KCNAB1: variants seen among roughly 807,000 people sequenced by gnomAD.
The protein encoded by KCNAB1 is voltage-gated potassium channel subunit beta-1.
Under a neutral mutation model 64.6 loss-of-function variants are expected in KCNAB1, and 35 were observed. The observed-to-expected ratio is 0.54, with a 90% CI of 0.41 to 0.72. KCNAB1 has a LOEUF of 0.72. Ranked by LOEUF, KCNAB1 falls within the 30% of genes least tolerant of loss-of-function variation. The probability of loss-of-function intolerance (pLI) is 0.00; values close to 1 mark genes in which losing one functional copy is unlikely to be tolerated. For missense variants in KCNAB1, 401 were observed against 512.9 expected (o/e 0.78, Z 2.11); for synonymous variants, 177 against 183.8 (o/e 0.96, Z 0.30).
At chr3:156,152,189 C>A (rs992252883) in intron 1 of KCNAB1, among the ~76,000 whole-genome samples, 1 of 152,192 alleles carries the variant, frequency 6.6e-6, no homozygotes, top group Admixed American at 6.5e-5. Context: ...TACATAAATC[C>A]GGTCCCCTGT....
At chr3:156,147,796 T>C (rs1715127535) in intron 1 of KCNAB1, among the ~76,000 whole-genome samples, 1 of 152,130 alleles carries the variant, frequency 6.6e-6, no homozygotes, top group Admixed American at 6.6e-5. Flanking sequence ...CTCAGAGATG[T>C]TGAGTGTCTA....
intron 9 of KCNAB1, 133 bp downstream of exon 9, chr3:156,514,582 C>T: frequency 1.5e-6 from 1 of 660,786 alleles, no homozygotes; most frequent in South Asian, 1.8e-5. Flanking sequence ...GAATCAATTC[C>T]ATCATTACAG....
chr3:156,351,190 G>A (rs1724835480), intron 1 of KCNAB1, among the ~76,000 whole-genome samples: 1 of 152,218 alleles, frequency 6.6e-6, no homozygotes, highest in Non-Finnish European at 1.5e-5. Flanking sequence ...TCTCTTGGTT[G>A]GCCACACTGA....
Position 156,325,043 on chromosome 3 carries a change from TAAC to T in KCNAB1, c.276-96569_276-96567del, listed in dbSNP as rs1357879263. Reference sequence around the variant, plus strand: ...AGGGCACCCAATATAGTATATGGGATAACAACTTTCATTTATGGAGGGTTTGTT... The same window carrying T: ...AGGGCACCCAATATAGTATATGGGATAACTTTCATTTATGGAGGGTTTGTT... On this transcript the variant is annotated intron_variant, in intron 1 of 13. Transcript: ENST00000490337. Among the ~76,000 whole-genome samples the T allele has an allele frequency of 6.6e-5, 10 of 152,312 alleles. No homozygotes were observed. The East Asian group carries it at 1.5e-3, about 23-fold the overall frequency.
intron 1 of KCNAB1, among the ~76,000 whole-genome samples, chr3:156,123,714 C>G (rs921840327): frequency 3.3e-5 from 5 of 152,094 alleles, no homozygotes; most frequent in African/African-American, 1.2e-4. Context: ...AGCTCAGGGC[C>G]CTGCACCTTG....
chr3:156,200,012 C>G (rs1220889475), intron 1 of KCNAB1, among the ~76,000 whole-genome samples: 1 of 152,142 alleles, frequency 6.6e-6, no homozygotes, highest in Admixed American at 6.5e-5. Context: ...TTTGAGTGGG[C>G]ATCATTTTTG....
chr3:156,465,591 A>C, intron 6 of KCNAB1, 52 bp from the exon 7 acceptor site: 1 of 1,518,092 alleles, frequency 6.6e-7, no homozygotes, highest in East Asian at 2.3e-5. Context: ...GATTTAGAGA[A>C]GAAAAGAAAG....
At chr3:156,181,763 G>A (rs1214242091) in intron 1 of KCNAB1, among the ~76,000 whole-genome samples, 1 of 152,142 alleles carries the variant, frequency 6.6e-6, no homozygotes, top group Non-Finnish European at 1.5e-5. Flanking sequence ...TCTAAGGCTT[G>A]ATGAGTCAGT....
At chr3:156,225,710 G>A (rs2108425017) in intron 1 of KCNAB1, among the ~76,000 whole-genome samples, 1 of 152,260 alleles carries the variant, frequency 6.6e-6, no homozygotes, top group Admixed American at 6.5e-5. Flanking sequence ...ACTGGTAAAT[G>A]TATTCAGCAA....
chr3:156,435,839 T>A (rs1419132672), intron 2 of KCNAB1, among the ~76,000 whole-genome samples: 1 of 152,172 alleles, frequency 6.6e-6, no homozygotes, highest in Non-Finnish European at 1.5e-5. Flanking sequence ...CTATTTTTCA[T>A]GGCAGCATTG....
In KCNAB1 at chr3:156,208,092, A is replaced by G. The variant is rs577326303; in HGVS notation, c.275+87206A>G. Among the ~76,000 whole-genome samples, 127 of 152,252 alleles carry G rather than the reference A, an allele frequency of 8.3e-4. 1 individual carries two copies. In the South Asian group the frequency reaches 0.025, roughly 30 times the overall value. On this transcript the variant is annotated intron_variant, in intron 1 of 13. Coordinates refer to ENST00000490337, the MANE Select transcript of KCNAB1 (RefSeq NM_172160.3). ...TGATATATTTTTTTTTCTAGCACCA[A>G]TTGGCAGAACTACCAGATTCCTAAG...
intron 2 of KCNAB1, among the ~76,000 whole-genome samples, chr3:156,428,508 C>CACAT (rs1411228376): frequency 4.0e-5 from 6 of 151,242 alleles, no homozygotes; most frequent in Non-Finnish European, 7.4e-5. Flanking sequence ...CACACACACA[C>CACAT]ACACACACAC....
intron 1 of KCNAB1, among the ~76,000 whole-genome samples, chr3:156,411,238 T>G (rs1714639479): frequency 6.6e-6 from 1 of 152,224 alleles, no homozygotes; most frequent in East Asian, 1.9e-4. Context: ...AATGTCTTCT[T>G]TGGTGAAGTA....
rs138818456 is a variant in KCNAB1 at position 156,347,731 on chromosome 3, A to T, written c.276-73885A>T. Among the ~76,000 whole-genome samples, 59 of 152,342 alleles carry T rather than the reference A, an allele frequency of 3.9e-4. 1 individual carries two copies. The highest frequency in any genetic ancestry group is 1.3e-3 in the African/African-American group (55 of 41,578). On this transcript the variant is annotated intron_variant, in intron 1 of 13. Coordinates refer to ENST00000490337, the MANE Select transcript of KCNAB1 (RefSeq NM_172160.3). ...TCTGAGCGGTATTTTTCTTCCAAAC[A>T]TCATTTTCAAGCTCTTCAAAGTTGT...
At chr3:156,420,938 A>AAT (rs1009117321) in intron 1 of KCNAB1, among the ~76,000 whole-genome samples, 4 of 150,712 alleles carry the variant, frequency 2.7e-5, no homozygotes, top group East Asian at 1.9e-4. Context: ...TCTTGAATTA[A>AAT]ATATATATAC....
At chr3:156,238,073 C>T (rs1716947849) in intron 1 of KCNAB1, among the ~76,000 whole-genome samples, 1 of 152,126 alleles carries the variant, frequency 6.6e-6, no homozygotes. Context: ...AGAGCCACAG[C>T]TGAGAAGGTG....
intron 1 of KCNAB1, chr3:156,291,514 G>C: frequency 9.3e-7 from 1 of 1,072,176 alleles, no homozygotes; most frequent in South Asian, 3.1e-5. Flanking sequence ...CCGCGGACCG[G>C]CTCCGCGAAG....
At chr3:156,474,916 T>C in intron 8 of KCNAB1, 96 bp downstream of exon 8, 1 of 978,338 alleles carries the variant, frequency 1.0e-6, no homozygotes, top group Non-Finnish European at 1.6e-6. Context: ...TTCAGACTGA[T>C]CAAACTGAAT....
chr3:156,177,619 C>T (rs547693465), intron 1 of KCNAB1, among the ~76,000 whole-genome samples: 16 of 152,160 alleles, frequency 1.1e-4, no homozygotes, highest in Non-Finnish European at 2.1e-4. Flanking sequence ...CCTCGTGATC[C>T]GCCCGCCTTG....
Sources: gnomAD v4.1 joint callset for allele counts (sites outside exome capture counted in the v4.1 genomes callset) on GRCh38, gnomAD v4.1.1 for gene constraint, MANE v1.5 for transcripts, NCBI Gene and HGNC (gene_info 2026-07-23, HGNC 2026-07-21) for gene names.